Variants in SLC17A2 observed in about 807,000 individuals in gnomAD.
SLC17A2 encodes the protein sodium-dependent phosphate transport protein 3.
Under a neutral mutation model 52.1 loss-of-function variants are expected in SLC17A2, and 38 were observed. That is an observed-to-expected ratio of 0.73 (90% CI 0.56 to 0.96). SLC17A2 has a LOEUF of 0.96. Among genes scored for constraint, SLC17A2 ranks in the 40% least tolerant of loss-of-function variants. The pLI is 0.00. For missense variants in SLC17A2, 508 were observed against 583.9 expected (o/e 0.87, Z 1.34); for synonymous variants, 226 against 211.9 (o/e 1.07, Z -0.58).
rs1766162758 is a variant in SLC17A2, at chr6:25,913,097, T to C, written c.*220A>G. 3.9e-6 allele frequency: 2 copies of C among 511,242 alleles called. No individual in the cohort carries two copies. The highest frequency in any genetic ancestry group is 7.0e-6 in the Non-Finnish European group (2 of 284,830). The allele number at this position is 511,242 out of a possible 1,614,324, so 31.7% of individuals were successfully genotyped here. A position where few individuals can be genotyped will look rare whatever the true frequency, so the allele number is the denominator to read the frequency against. ...GCATGCTAGAAACCTCTAAGGAGTA[T>C]CTAAAAATTAGTAGTATCTGGGTTC... On this transcript the variant is annotated 3_prime_UTR_variant, in exon 12 of 12. Coordinates refer to ENST00000377850, the MANE Select transcript of SLC17A2 (RefSeq NM_001286123.3).
chr6:25,921,930 T>A (rs1766576537), intron 3 of SLC17A2, among the ~76,000 whole-genome samples: 1 of 151,860 alleles, frequency 6.6e-6, no homozygotes, highest in Admixed American at 6.6e-5. Context: ...TATAACTCAA[T>A]AAATAATTTG....
At chr6:25,919,327 G>A (rs1766449978) in intron 5 of SLC17A2, among the ~76,000 whole-genome samples, 1 of 151,218 alleles carries the variant, frequency 6.6e-6, no homozygotes, top group African/African-American at 2.4e-5. Flanking sequence ...ACTGAAATTT[G>A]AAAAAAAAGA....
At chr6:25,915,243 GC>G (rs1298553856) in intron 10 of SLC17A2, among the ~76,000 whole-genome samples, 3 of 143,700 alleles carry the variant, frequency 2.1e-5, no homozygotes, top group Non-Finnish European at 1.5e-5. Context: ...CCTTTTCCCA[GC>G]ATACACAGTT....
rs1294461874 is a variant in SLC17A2, at chr6:25,925,847, C to T, written c.-51G>A. On this transcript the variant is annotated 5_prime_UTR_variant, in exon 2 of 12. Transcript: ENST00000377850. Reference sequence around the variant, plus strand: ...CGCTTTGTGGTGGAGTTTCCCTGTGCCCTGAATCTCTTTTACTACGACAGT... The same window carrying T: ...CGCTTTGTGGTGGAGTTTCCCTGTGTCCTGAATCTCTTTTACTACGACAGT... 2 of 1,584,616 alleles carry T rather than the reference C, an allele frequency of 1.3e-6. No individual in the cohort carries two copies. Among genetic ancestry groups the T allele is most frequent in the East Asian group, 4.5e-5 (2 of 44,758 alleles).
Position 25,913,301 on chromosome 6 carries a change from T to C in SLC17A2, c.*16A>G. 6.2e-7 allele frequency: 1 copy of C among 1,614,084 alleles called. No homozygotes were observed. The highest frequency in any genetic ancestry group is 8.5e-7 in the Non-Finnish European group (1 of 1,179,946). ...TTCATGCTCAGTACCACATTTAAGT[T>C]TGTAACTTTATGTCCTCAGAGGCGG... On this transcript the variant is annotated 3_prime_UTR_variant, in exon 12 of 12. Transcript: ENST00000377850.
rs190134446 is a variant in SLC17A2, at chr6:25,919,368, G to A, written c.563-795C>T. On this transcript the variant is annotated intron_variant, in intron 5 of 11. Coordinates refer to ENST00000377850, the MANE Select transcript of SLC17A2 (RefSeq NM_001286123.3). ...AATATAAATATAATAAAACTACAATGTACGTGGAAGTATATCTGAGGATAA... is the reference window on the plus strand; with the variant it reads ...AATATAAATATAATAAAACTACAATATACGTGGAAGTATATCTGAGGATAA... Among the ~76,000 whole-genome samples, 405 of 152,158 alleles carry A rather than the reference G, an allele frequency of 2.7e-3. 1 individual carries two copies. The highest frequency in any genetic ancestry group is 9.2e-3 in the African/African-American group (384 of 41,518).
rs776615086 is a variant in SLC17A2, at chr6:25,921,414, TG to T, written c.241-3del. 6.9e-6 allele frequency: 11 copies of T among 1,603,078 alleles called. No homozygotes were observed. The African/African-American group carries it at 9.4e-5, about 14-fold the overall frequency. On this transcript the variant is annotated splice_region_variant and splice_polypyrimidine_tract_variant and intron_variant, in intron 3 of 11. Coordinates refer to ENST00000377850, the MANE Select transcript of SLC17A2 (RefSeq NM_001286123.3). ...TGGGCTCCATTGATACACAGAGGCC[TG>T]GGGGAAAAATAGGAAAACTCTTTGT...
rs371659810 is a variant in SLC17A2, at chr6:25,914,542, T to C, written c.1302+38A>G. ...TGTGTATCTCCAACACCTAAAACAA[T>C]ACCTGCCACTTGAAGATGTTCAATA... On this transcript the variant is annotated intron_variant, in intron 11 of 11. Coordinates refer to ENST00000377850, the MANE Select transcript of SLC17A2 (RefSeq NM_001286123.3). 1.9e-5 allele frequency: 25 copies of C among 1,296,302 alleles called. No individual in the cohort carries two copies. The East Asian group carries it at 2.8e-4, about 14-fold the overall frequency. 80.3% of individuals were successfully genotyped at this position (1,296,302 alleles called of 1,614,324 possible).
intron 1 of SLC17A2, among the ~76,000 whole-genome samples, 164 bp from the exon 2 acceptor site, chr6:25,926,043 A>G (rs1409905410): frequency 6.6e-6 from 1 of 152,210 alleles, no homozygotes; most frequent in Non-Finnish European, 1.5e-5. Context: ...TTAAAAGGAA[A>G]TCTGGCTGTA....
chr6:25,921,226 C>G lies in SLC17A2; in HGVS notation c.427G>C (p.Gly143Arg), dbSNP rs1050237389. Residue 143 changes from glycine to arginine, a missense_variant, in exon 4 of 12, where the codon GGA becomes CGA. Gly to Arg is a moderately radical substitution (Grantham distance 125). Coordinates refer to ENST00000377850, the MANE Select transcript of SLC17A2 (RefSeq NM_001286123.3). ...TLFTPLAADF[G>R]VILVIMVRTV... Reference sequence around the variant, plus strand: ...CGAACCATGATGACCAAAATCACTCCGAAGTCAGCAGCCAGTGGTGTAAAG... The same window carrying G: ...CGAACCATGATGACCAAAATCACTCGGAAGTCAGCAGCCAGTGGTGTAAAG... 6.2e-6 allele frequency: 10 copies of G among 1,614,120 alleles called. No individual in the cohort carries two copies. Among genetic ancestry groups the G allele is most frequent in the Non-Finnish European group, 8.5e-6 (10 of 1,180,026 alleles).
At chr6:25,928,094 C>T (rs868740735) in intron 1 of SLC17A2, among the ~76,000 whole-genome samples, 20 of 152,256 alleles carry the variant, frequency 1.3e-4, no homozygotes, top group Admixed American at 5.2e-4. Flanking sequence ...CAGAGATCCT[C>T]TGGCCCAACT....
chr6:25,929,476 G>A (rs931103925), intron 1 of SLC17A2, among the ~76,000 whole-genome samples: 11 of 152,192 alleles, frequency 7.2e-5, no homozygotes, highest in Non-Finnish European at 1.5e-5. Flanking sequence ...CAAATGAAAT[G>A]TATTTCTATA....
chr6:25,923,673 C>G, intron 3 of SLC17A2, 22 bp downstream of exon 3: 3 of 1,584,608 alleles, frequency 1.9e-6, no homozygotes, highest in African/African-American at 1.3e-5. Flanking sequence ...CAACAAAGAG[C>G]CCTATTTTCC....
In SLC17A2 at chr6:25,923,843, A is replaced by G; in HGVS notation, c.92T>C (p.Met31Thr). The G allele has an allele frequency of 6.2e-7, 1 of 1,614,226 alleles. No individual in the cohort carries two copies. The highest frequency in any genetic ancestry group is 8.5e-7 in the Non-Finnish European group (1 of 1,180,044). The change falls in exon 3 of 12, where the codon ATG becomes ACG. Residue 31 changes from methionine to threonine, a missense_variant. Met to Thr is a moderately conservative substitution (Grantham distance 81). Transcript: ENST00000377850. ...ALIMHFSNFT[M>T]ITQRVSLSIA... ...GCTCAGACTCACACGCTGCGTTATC[A>G]TGGTGAAGTTTGAGAAGTGCATGAT...
rs1396693652 is a variant in SLC17A2, at chr6:25,930,501, G to C, written c.-308C>G. On this transcript the variant is annotated 5_prime_UTR_variant, in exon 1 of 12. Transcript: ENST00000377850. ...CCCTTAATGGACCTTTGGTAAGTTAGTAATAATCCTTCTACCCAAAAAGAA... is the reference window on the plus strand; with the variant it reads ...CCCTTAATGGACCTTTGGTAAGTTACTAATAATCCTTCTACCCAAAAAGAA... 1 of 152,190 alleles carries C rather than the reference G, an allele frequency of 6.6e-6. No individual in the cohort carries two copies. The highest frequency in any genetic ancestry group is 2.4e-5 in the African/African-American group (1 of 41,446). 9.4% of individuals were successfully genotyped at this position (152,190 alleles called of 1,614,324 possible).
At chr6:25,918,653 AGT>A in intron 5 of SLC17A2, 80 bp from the exon 6 acceptor site, 3 of 858,824 alleles carry the variant, frequency 3.5e-6, no homozygotes, top group Non-Finnish European at 5.9e-6. Context: ...ATGTCCCAAC[AGT>A]GAGGTGGCAG....
At chr6:25,923,928 T>C (rs754288467) in intron 2 of SLC17A2, 22 bp from the exon 3 acceptor site, 17 of 1,594,622 alleles carry the variant, frequency 1.1e-5, no homozygotes, top group Non-Finnish European at 1.4e-5. Flanking sequence ...CACAGATGTA[T>C]GTAGTGAGCA....
chr6:25,925,639 G>A (rs566943457), intron 2 of SLC17A2, 130 bp downstream of exon 2: 1 of 863,380 alleles, frequency 1.2e-6, no homozygotes, highest in Non-Finnish European at 2.0e-6. Flanking sequence ...AGGATCAGGG[G>A]CTGGAGCTGG....
At position 25,913,248 on chromosome 6, in the gene SLC17A2, T is replaced by C. The variant is rs760763383; in HGVS notation, c.*69A>G. 1.2e-5 allele frequency: 18 copies of C among 1,545,368 alleles called. No homozygotes were observed. Among genetic ancestry groups the C allele is most frequent in the Admixed American group, 3.3e-5 (2 of 59,802 alleles). ...ACTGCTGAGTCTATGGTCAGGAATA[T>C]GGAGAGAAGTAAAAAATGTTTAAAA... On this transcript the variant is annotated 3_prime_UTR_variant, in exon 12 of 12. Transcript: ENST00000377850.
Sources: allele counts gnomAD v4.1 joint callset (sites outside exome capture counted in the v4.1 genomes callset), GRCh38; gene constraint gnomAD v4.1.1; transcripts MANE v1.5; gene names NCBI Gene and HGNC (gene_info 2026-07-23, HGNC 2026-07-21).